Variants in PHACTR2 observed in about 807,000 individuals in gnomAD.
PHACTR2 encodes chromosome 6 open reading frame 56.
In PHACTR2, 30 loss-of-function variants were observed where a neutral mutation model predicts 76.0. The observed-to-expected ratio is 0.39, with a 90% confidence interval of 0.30 to 0.54. The LOEUF is 0.54. Among genes scored for constraint, PHACTR2 ranks in the 20% least tolerant of loss-of-function variants. The probability of loss-of-function intolerance (pLI) is 0.61; values close to 1 mark genes in which losing one functional copy is unlikely to be tolerated. For synonymous variants in PHACTR2, 292 were observed against 292.5 expected, an observed-to-expected ratio of 1.00 and a Z score of 0.02; for missense variants, 696 against 781.1, an observed-to-expected ratio of 0.89 and a Z score of 1.30.
In PHACTR2 at chr6:143,771,200, A is replaced by G. The variant is rs1195432097; in HGVS notation, c.1233-1058A>G. ...TATATATATATATATGTGTGTATATATATATATATATATATATATATATAT... is the reference window on the plus strand; with the variant it reads ...TATATATATATATATGTGTGTATATGTATATATATATATATATATATATAT... On this transcript the variant is annotated intron_variant, in intron 6 of 12. Coordinates refer to ENST00000440869, the MANE Select transcript of PHACTR2 (RefSeq NM_001100164.2). Among the ~76,000 whole-genome samples the G allele has an allele frequency of 1.6e-3, 90 of 56,930 alleles. 1 individual carries two copies. The highest frequency in any genetic ancestry group is 0.011 in the Middle Eastern group (1 of 94). 37.3% of individuals were successfully genotyped at this position (56,930 alleles called of 152,430 possible).
chr6:143,771,027 T>C (rs996805624), intron 6 of PHACTR2, among the ~76,000 whole-genome samples: 23 of 146,514 alleles, frequency 1.6e-4, no homozygotes, highest in Non-Finnish European at 2.1e-4. Context: ...TTGTCTGTTA[T>C]GTTACAAGAG....
rs937685582 is a variant in PHACTR2 at position 143,548,177 on chromosome 6, T to C, written c.217+10970T>C. 1.3e-5 allele frequency among the ~76,000 whole-genome samples: 2 copies of C among 152,204 alleles called. No homozygotes were observed. The highest frequency in any genetic ancestry group is 2.9e-5 in the Non-Finnish European group (2 of 68,044). On this transcript the variant is annotated intron_variant, in intron 1 of 11. Transcript: ENST00000367584. The surrounding 1 kb of genome is among the most constrained non-coding windows in gnomAD (Gnocchi z 4.5). ...CATAGATGGCCATCTTCTTGCTGTG[T>C]CCTCACATGGCAGAGGGAGGAAGAA... is the stretch of plus-strand genomic sequence containing the variant.
At chr6:143,810,104 C>T (rs908000200) in intron 12 of PHACTR2, among the ~76,000 whole-genome samples, 1 of 151,492 alleles carries the variant, frequency 6.6e-6, no homozygotes, top group African/African-American at 2.4e-5. Flanking sequence ...GAAAGAAATC[C>T]TGTCTCGAAA....
At position 143,696,700 on chromosome 6, in the gene PHACTR2, AT is replaced by A. The variant is rs1474301384; in HGVS notation, c.47-15310del. Among the ~76,000 whole-genome samples the A allele has an allele frequency of 6.6e-6, 1 of 152,168 alleles. No homozygotes were observed. Among genetic ancestry groups the A allele is most frequent in the African/African-American group, 2.4e-5 (1 of 41,440 alleles). On this transcript the variant is annotated intron_variant, in intron 1 of 12. Transcript: ENST00000440869. This position sits in a 1 kb window ranked among gnomAD's most constrained non-coding sequence, Gnocchi z 4.1. ...GTTTATATTTAAATGGCTATTTCCT[AT>A]TTTTTAAGCATACGCAAAGTCATAT... is the stretch of plus-strand genomic sequence containing the variant.
chr6:143,655,828 T>C (rs1435188046), intron 1 of PHACTR2, among the ~76,000 whole-genome samples: 7 of 152,386 alleles, frequency 4.6e-5, no homozygotes, highest in East Asian at 1.9e-4. Context: ...TTTAGTAAAA[T>C]GTCCTCAGTT....
chr6:143,806,264 A>C lies in PHACTR2; in HGVS notation c.1846-793A>C, dbSNP rs1776061597. On this transcript the variant is annotated intron_variant, in intron 11 of 12. Coordinates refer to ENST00000440869, the MANE Select transcript of PHACTR2 (RefSeq NM_001100164.2). The surrounding 1 kb of genome is among the most constrained non-coding windows in gnomAD (Gnocchi z 5.8). ...ACGTGACACGGATTATGTGTTCTTT[A>C]AATAGCAATGCATTCTATTTGATAT... Among the ~76,000 whole-genome samples the C allele has an allele frequency of 6.6e-6, 1 of 152,234 alleles. No homozygotes were observed. The highest frequency in any genetic ancestry group is 2.1e-4 in the South Asian group (1 of 4,832).
At chr6:143,691,223 A>T (rs1777636356) in intron 1 of PHACTR2, among the ~76,000 whole-genome samples, 1 of 152,240 alleles carries the variant, frequency 6.6e-6, no homozygotes, top group African/African-American at 2.4e-5. Context: ...TGATAAGCCC[A>T]TCATAAAGTA....
chr6:143,771,186 ATATGTGTG>A lies in PHACTR2; in HGVS notation c.1233-1068_1233-1061del, dbSNP rs1378938408. Among the ~76,000 whole-genome samples, 276 of 33,920 alleles carry A rather than the reference ATATGTGTG, an allele frequency of 8.1e-3. 8 individuals are homozygous for A. Among genetic ancestry groups the A allele is most frequent in the East Asian group, 0.012 (6 of 504 alleles). 22.3% of individuals were successfully genotyped at this position (33,920 alleles called of 152,430 possible). A position where few individuals can be genotyped will look rare whatever the true frequency, so the allele number is the denominator to read the frequency against. ...TATATATATATATGTATATATATATATATGTGTGTATATATATATATATATATATATAT... is the reference window on the plus strand; with the variant it reads ...TATATATATATATGTATATATATATATATATATATATATATATATATATAT... On this transcript the variant is annotated intron_variant, in intron 6 of 12. Transcript: ENST00000440869.
chr6:143,645,306 A>G (rs1776641127), intron 1 of PHACTR2, among the ~76,000 whole-genome samples: 2 of 151,812 alleles, frequency 1.3e-5, no homozygotes, highest in Non-Finnish European at 2.9e-5. Context: ...ATGAATATAT[A>G]TGAATATATA....
rs903688343 is a variant in PHACTR2 at position 143,611,860 on chromosome 6, T to G, written c.13+3538T>G. 1.3e-5 allele frequency among the ~76,000 whole-genome samples: 2 copies of G among 151,984 alleles called. No individual in the cohort carries two copies. Among genetic ancestry groups the G allele is most frequent in the African/African-American group, 4.8e-5 (2 of 41,344 alleles). On this transcript the variant is annotated intron_variant, in intron 1 of 11. Transcript: ENST00000305766. The surrounding 1 kb of genome is among the most constrained non-coding windows in gnomAD (Gnocchi z 4.4). ...TGTGGGTGGTGCAATGGGCATGGGG[T>G]TGGGGGATGCATTGGATATGCATCA...
At chr6:143,781,924 T>C (rs950560078) in intron 9 of PHACTR2, among the ~76,000 whole-genome samples, 11 of 152,240 alleles carry the variant, frequency 7.2e-5, no homozygotes, top group African/African-American at 2.7e-4. Flanking sequence ...TTCTTATGCA[T>C]TAAAGTTATT....
chr6:143,765,840 A>G lies in PHACTR2; in HGVS notation c.1232+42A>G, dbSNP rs892959345. 2 of 1,496,446 alleles carry G rather than the reference A, an allele frequency of 1.3e-6. No individual in the cohort carries two copies. Among genetic ancestry groups the G allele is most frequent in the Non-Finnish European group, 1.8e-6 (2 of 1,089,494 alleles). The allele number at this position is 1,496,446 out of a possible 1,614,324, so 92.7% of individuals were successfully genotyped here. A position where few individuals can be genotyped will look rare whatever the true frequency, so the allele number is the denominator to read the frequency against. On this transcript the variant is annotated intron_variant, in intron 6 of 12. Coordinates refer to ENST00000440869, the MANE Select transcript of PHACTR2 (RefSeq NM_001100164.2). The surrounding 1 kb of genome is among the most constrained non-coding windows in gnomAD (Gnocchi z 4.1). ...ACCCCCTATTTTATCTGAGAACTAA[A>G]GATCACTAATATATTCTGTTGGAAA...
chr6:143,801,123 T>C lies in PHACTR2; in HGVS notation c.1846-5934T>C, dbSNP rs562376769. Reference sequence around the variant, plus strand: ...CCCAACCTTTCTCTCTGGCTGCCCTTAACATTTTTTCCTCCATTTCAACCT... The same window carrying C: ...CCCAACCTTTCTCTCTGGCTGCCCTCAACATTTTTTCCTCCATTTCAACCT... On this transcript the variant is annotated intron_variant, in intron 11 of 12. Coordinates refer to ENST00000440869, the MANE Select transcript of PHACTR2 (RefSeq NM_001100164.2). This position sits in a 1 kb window ranked among gnomAD's most constrained non-coding sequence, Gnocchi z 4.6. 6.6e-6 allele frequency among the ~76,000 whole-genome samples: 1 copy of C among 152,330 alleles called. No individual in the cohort carries two copies. Among genetic ancestry groups the C allele is most frequent in the South Asian group, 2.1e-4 (1 of 4,830 alleles).
At chr6:143,666,276 A>G (rs1777034197) in intron 1 of PHACTR2, among the ~76,000 whole-genome samples, 2 of 152,280 alleles carry the variant, frequency 1.3e-5, no homozygotes, top group South Asian at 4.1e-4. Context: ...CCAGTCTATC[A>G]TTGATGTACA....
chr6:143,689,898 G>T lies in PHACTR2; in HGVS notation c.46+11689G>T, dbSNP rs1408907209. On this transcript the variant is annotated intron_variant, in intron 1 of 12. Coordinates refer to ENST00000440869, the MANE Select transcript of PHACTR2 (RefSeq NM_001100164.2). The surrounding 1 kb of genome is among the most constrained non-coding windows in gnomAD (Gnocchi z 4.4). ...AGTAGCGACAGGGTTTCGCCAGGCT[G>T]GTCTTGGCAATCTGGTCTTGAACTT... 6.6e-6 allele frequency among the ~76,000 whole-genome samples: 1 copy of T among 152,042 alleles called. No individual in the cohort carries two copies. Among genetic ancestry groups the T allele is most frequent in the African/African-American group, 2.4e-5 (1 of 41,406 alleles).
In PHACTR2 at chr6:143,743,781, T is replaced by C. The variant is rs926869206; in HGVS notation, c.215-5204T>C. Among the ~76,000 whole-genome samples the C allele has an allele frequency of 9.2e-5, 14 of 152,244 alleles. No individual in the cohort carries two copies. The highest frequency in any genetic ancestry group is 3.4e-4 in the African/African-American group (14 of 41,464). ...CTGAGAAGATAGCATGGCACGCTTA[T>C]TTAATAGTCTTCTATTTGCTCTTCT... On this transcript the variant is annotated intron_variant, in intron 2 of 12. Transcript: ENST00000440869. The surrounding 1 kb of genome is among the most constrained non-coding windows in gnomAD (Gnocchi z 5.0).
Position 143,599,998 on chromosome 6 carries a change from A to G in PHACTR2, c.217+62791A>G, listed in dbSNP as rs951405784. On this transcript the variant is annotated intron_variant, in intron 1 of 11. Transcript: ENST00000367584. This position sits in a 1 kb window ranked among gnomAD's most constrained non-coding sequence, Gnocchi z 4.6. ...TCAGTGAGCTGGATTTGATTAGACT[A>G]CCAGTTGGCAGCTCATGATTCTAAT... 6.6e-6 allele frequency among the ~76,000 whole-genome samples: 1 copy of G among 152,224 alleles called. No individual in the cohort carries two copies. Among genetic ancestry groups the G allele is most frequent in the Non-Finnish European group, 1.5e-5 (1 of 68,040 alleles).
intron 1 of PHACTR2, among the ~76,000 whole-genome samples, chr6:143,559,690 C>CTTTTTTTTTTTTTTTTTTTTTTTTTT (rs5880566): frequency 3.1e-5 from 1 of 31,894 alleles, no homozygotes; most frequent in African/African-American, 1.3e-4. Flanking sequence ...TTTTTCTTTT[C>CTTTTTTTTTTTTTTTTTTTTTTTTTT]TTTTTTTTTT....
In PHACTR2 at chr6:143,624,189, C is replaced by T. The variant is rs1776213201; in HGVS notation, c.13+15867C>T. On this transcript the variant is annotated intron_variant, in intron 1 of 11. Coordinates refer to the PHACTR2 transcript ENST00000305766. This position sits in a 1 kb window ranked among gnomAD's most constrained non-coding sequence, Gnocchi z 4.6. ...TGGCCCAATCTCGGCTCATTACAAC[C>T]TCTGCCCCCTGGGTTGAAGCAATTC... Among the ~76,000 whole-genome samples the T allele has an allele frequency of 6.6e-6, 1 of 152,112 alleles. No homozygotes were observed. The highest frequency in any genetic ancestry group is 2.4e-5 in the African/African-American group (1 of 41,404).
Sources: allele counts gnomAD v4.1 joint callset (sites outside exome capture counted in the v4.1 genomes callset), GRCh38; gene constraint gnomAD v4.1.1; non-coding constraint Gnocchi (gnomAD v3.1); transcripts MANE v1.5; gene names NCBI Gene and HGNC (gene_info 2026-07-23, HGNC 2026-07-21).